Variants in CAMKK2 observed in about 807,000 individuals in gnomAD.
CAMKK2 encodes the protein calcium/calmodulin dependent protein kinase kinase 2, also known as calcium/calmodulin-dependent protein kinase kinase 2.
In CAMKK2, 30 loss-of-function variants were observed where a neutral mutation model predicts 67.2. The ratio of observed to expected loss-of-function variants is 0.45; its 90% CI spans 0.33 to 0.61. CAMKK2 has a LOEUF of 0.61. Ranked by LOEUF, CAMKK2 falls within the 20% of genes least tolerant of loss-of-function variation. CAMKK2 has a pLI of 0.02. For synonymous variants in CAMKK2, 322 were observed against 326.2 expected, an observed-to-expected ratio of 0.99 and a Z score of 0.14; for missense variants, 643 against 802.0, an observed-to-expected ratio of 0.80 and a Z score of 2.39.
intron 16 of CAMKK2, among the ~76,000 whole-genome samples, chr12:121,241,266 A>G (rs137957621): frequency 1.2e-4 from 18 of 152,166 alleles, no homozygotes; most frequent in African/African-American, 3.6e-4. Flanking sequence ...CAGGGAAGGG[A>G]CTGTGACGCT....
chr12:121,274,571 C>G lies in CAMKK2; in HGVS notation c.-45G>C. 7.1e-7 allele frequency: 1 copy of G among 1,405,884 alleles called. No homozygotes were observed. Among genetic ancestry groups the G allele is most frequent in the Non-Finnish European group, 9.7e-7 (1 of 1,033,318 alleles). The allele number at this position is 1,405,884 out of a possible 1,614,324, so 87.1% of individuals were successfully genotyped here. ...TCCAGCACACTGGGGCACTCCCATCCGGCAGCGGAGCCACCTGCAGAAAGA... is the reference window on the plus strand; with the variant it reads ...TCCAGCACACTGGGGCACTCCCATCGGGCAGCGGAGCCACCTGCAGAAAGA... On this transcript the variant is annotated 5_prime_UTR_variant, in exon 2 of 17. Transcript: ENST00000404169.
At chr12:121,241,196 G>A (rs542143761) in intron 16 of CAMKK2, among the ~76,000 whole-genome samples, 4 of 152,212 alleles carry the variant, frequency 2.6e-5, no homozygotes, top group South Asian at 2.1e-4. Flanking sequence ...CCCACCCCAC[G>A]GCGCCTGTCA....
intron 1 of CAMKK2, among the ~76,000 whole-genome samples, chr12:121,277,709 G>A (rs771900372): frequency 6.6e-6 from 1 of 152,216 alleles, no homozygotes; most frequent in Non-Finnish European, 1.5e-5. Flanking sequence ...GTTCGCACCT[G>A]TAATCCCAAC....
chr12:121,251,701 T>C (rs982663591), intron 11 of CAMKK2, among the ~76,000 whole-genome samples: 1 of 151,518 alleles, frequency 6.6e-6, no homozygotes, highest in African/African-American at 2.4e-5. Context: ...GTGGCTGGCA[T>C]CTGTAGTCCC....
In CAMKK2 at chr12:121,253,487, A is replaced by G; in HGVS notation, c.908-15T>C. The G allele has an allele frequency of 6.2e-7, 1 of 1,612,846 alleles. No individual in the cohort carries two copies. Among genetic ancestry groups the G allele is most frequent in the Non-Finnish European group, 8.5e-7 (1 of 1,178,870 alleles). ...CTGGTAGTGTACTGGGGAGGCGTAG[A>G]CAGCAGGTGGGAGATAGGGGCAGGA... is the stretch of plus-strand genomic sequence containing the variant. On this transcript the variant is annotated splice_polypyrimidine_tract_variant and intron_variant, in intron 9 of 16. Transcript: ENST00000404169. The surrounding 1 kb of genome is among the most constrained non-coding windows in gnomAD (Gnocchi z 5.0).
intron 1 of CAMKK2, among the ~76,000 whole-genome samples, chr12:121,284,308 T>C (rs1301446136): frequency 6.6e-6 from 1 of 152,194 alleles, no homozygotes; most frequent in Non-Finnish European, 1.5e-5. Context: ...TTGTTGTTCT[T>C]GTTTATTTTT....
chr12:121,280,658 G>A (rs980796820), intron 1 of CAMKK2, among the ~76,000 whole-genome samples: 1 of 152,128 alleles, frequency 6.6e-6, no homozygotes, highest in Admixed American at 6.6e-5. Flanking sequence ...GTAGGTCTCT[G>A]AACTGGCACC....
intron 1 of CAMKK2, among the ~76,000 whole-genome samples, chr12:121,283,204 G>A (rs902380126): frequency 1.3e-5 from 2 of 152,176 alleles, no homozygotes; most frequent in African/African-American, 2.4e-5. Flanking sequence ...AAGCTCTAGC[G>A]GGAGACCTGA....
intron 7 of CAMKK2, 27 bp downstream of exon 7, chr12:121,260,292 G>A (rs867082208): frequency 6.3e-7 from 1 of 1,594,844 alleles, no homozygotes; most frequent in Non-Finnish European, 8.5e-7. Context: ...CCTGGGTGAG[G>A]GTGGCAGAAG....
At chr12:121,268,182 G>A (rs1350198967) in intron 5 of CAMKK2, among the ~76,000 whole-genome samples, 1 of 148,916 alleles carries the variant, frequency 6.7e-6, no homozygotes, top group East Asian at 2.0e-4. Context: ...CGTGTGTGCT[G>A]TTTCCACTTT....
intron 1 of CAMKK2, among the ~76,000 whole-genome samples, chr12:121,293,747 C>T (rs192642632): frequency 4.3e-4 from 66 of 152,076 alleles, no homozygotes; most frequent in Non-Finnish European, 8.8e-4. Context: ...CCATTTCTGG[C>T]CCATCCTTCA....
chr12:121,294,213 G>A (rs1374382230), intron 1 of CAMKK2, among the ~76,000 whole-genome samples: 3 of 152,208 alleles, frequency 2.0e-5, no homozygotes, highest in South Asian at 2.1e-4. Context: ...GATTACAAGC[G>A]TGAGCCACCA....
rs73405722 is a variant in CAMKK2, at chr12:121,270,815, T to G, written c.519+83A>C. 0.012 allele frequency: 12,814 copies of G among 1,098,558 alleles called. 946 individuals are homozygous for G. The African/African-American group carries it at 0.17, about 15-fold the overall frequency. The allele number at this position is 1,098,558 out of a possible 1,614,324, so 68.1% of individuals were successfully genotyped here. Reference sequence around the variant, plus strand: ...TCGCCTTCAAAGACTCCTCTCCTGCTCCCAGCTTTACCCCGTTCCCTCCAC... The same window carrying G: ...TCGCCTTCAAAGACTCCTCTCCTGCGCCCAGCTTTACCCCGTTCCCTCCAC... On this transcript the variant is annotated intron_variant, in intron 3 of 16. Coordinates refer to ENST00000404169, the MANE Select transcript of CAMKK2 (RefSeq NM_001270485.2).
In CAMKK2 at chr12:121,264,891, C is replaced by A. The variant is rs190132351; in HGVS notation, c.626-952G>T. Among the ~76,000 whole-genome samples the A allele has an allele frequency of 3.0e-4, 45 of 151,356 alleles. 2 individuals are homozygous for A. In the East Asian group the frequency reaches 8.3e-3, roughly 28 times the overall value. On this transcript the variant is annotated intron_variant, in intron 5 of 16. Transcript: ENST00000404169. ...GAGGCTGGGGTGGGAGGATCACCTG[C>A]GCCCAGGAAGATCAAGCCTGCAGTG...
chr12:121,253,517 C>A lies in CAMKK2; in HGVS notation c.908-45G>T. Reference sequence around the variant, plus strand: ...AGGTGGGAGATAGGGGCAGGAAAACCTCGTGAGCACCTCTATGCGGCCACA... The same window carrying A: ...AGGTGGGAGATAGGGGCAGGAAAACATCGTGAGCACCTCTATGCGGCCACA... On this transcript the variant is annotated intron_variant, in intron 9 of 16. Coordinates refer to ENST00000404169, the MANE Select transcript of CAMKK2 (RefSeq NM_001270485.2). The surrounding 1 kb of genome is among the most constrained non-coding windows in gnomAD (Gnocchi z 5.0). 2.0e-6 allele frequency: 3 copies of A among 1,522,796 alleles called. No individual in the cohort carries two copies. The highest frequency in any genetic ancestry group is 2.7e-6 in the Non-Finnish European group (3 of 1,097,506). 94.3% of individuals were successfully genotyped at this position (1,522,796 alleles called of 1,614,324 possible). A position where few individuals can be genotyped will look rare whatever the true frequency, so the allele number is the denominator to read the frequency against.
intron 15 of CAMKK2, 129 bp from the exon 16 acceptor site, chr12:121,244,744 G>A (rs376678917): frequency 4.4e-5 from 32 of 729,398 alleles, no homozygotes; most frequent in African/African-American, 1.1e-4. Flanking sequence ...CCAGGGTGGC[G>A]TTGACAGCAG....
intron 5 of CAMKK2, among the ~76,000 whole-genome samples, chr12:121,264,502 C>T (rs912691241): frequency 6.6e-6 from 1 of 152,044 alleles, no homozygotes; most frequent in African/African-American, 2.4e-5. Context: ...GGGCCGGGCA[C>T]AGTGCCTCAT....
intron 5 of CAMKK2, among the ~76,000 whole-genome samples, chr12:121,265,778 A>G (rs1894404710): frequency 6.6e-6 from 1 of 151,318 alleles, no homozygotes; most frequent in Non-Finnish European, 1.5e-5. Context: ...GAATTGCCTG[A>G]ACCCAGGAGG....
intron 16 of CAMKK2, chr12:121,243,946 C>G: frequency 1.4e-6 from 2 of 1,446,558 alleles, no homozygotes; most frequent in Non-Finnish European, 1.8e-6. Flanking sequence ...AGCAGGGGTG[C>G]CCAGCAGGTT....
Sources: allele counts gnomAD v4.1 joint callset (sites outside exome capture counted in the v4.1 genomes callset), GRCh38; gene constraint gnomAD v4.1.1; non-coding constraint Gnocchi (gnomAD v3.1); transcripts MANE v1.5; gene names NCBI Gene and HGNC (gene_info 2026-07-23, HGNC 2026-07-21).